Variants in RAPSN observed in about 807,000 individuals in gnomAD.
RAPSN encodes 43 kDa receptor-associated protein of the synapse.
RAPSN carries 33 observed loss-of-function variants against 45.7 expected under a neutral mutation model. That is an observed-to-expected ratio of 0.72 (90% CI 0.55 to 0.97). The LOEUF is 0.97. Among genes scored for constraint, RAPSN ranks in the 50% least tolerant of loss-of-function variants. The pLI, the probability that RAPSN is intolerant of heterozygous loss-of-function variation, is 0.00. For missense variants in RAPSN, 519 were observed against 559.4 expected, an observed-to-expected ratio of 0.93 and a Z score of 0.73; for synonymous variants, 244 against 233.6, an observed-to-expected ratio of 1.04 and a Z score of -0.40.
At chr11:47,446,873 C>A (rs1025048828) in intron 2 of RAPSN, among the ~76,000 whole-genome samples, 1 of 152,206 alleles carries the variant, frequency 6.6e-6, no homozygotes, top group Non-Finnish European at 1.5e-5. Context: ...CCACTGCACT[C>A]CAGCCTGGGT....
intron 6 of RAPSN, among the ~76,000 whole-genome samples, chr11:47,439,527 C>T (rs1010465075): frequency 7.9e-5 from 12 of 152,128 alleles, no homozygotes; most frequent in Middle Eastern, 6.8e-3. Context: ...TAAATATACA[C>T]ACAATAGCTC....
Position 47,443,227 on chromosome 11 carries a change from C to T in RAPSN, c.532-413G>A, listed in dbSNP as rs149041000. On this transcript the variant is annotated intron_variant, in intron 2 of 7. Transcript: ENST00000298854. ...CCACTAGAGCTTGCCTGCTGGCACC[C>T]GGAAGCAGGTGTTCACTGAAGCTCA... Among the ~76,000 whole-genome samples the T allele has an allele frequency of 2.2e-3, 331 of 152,300 alleles. 1 individual carries two copies. Among genetic ancestry groups the T allele is most frequent in the Admixed American group, 5.5e-3 (84 of 15,292 alleles).
chr11:47,448,212 C>A, intron 1 of RAPSN, 62 bp from the exon 2 acceptor site: 1 of 1,564,004 alleles, frequency 6.4e-7, no homozygotes, highest in Admixed American at 1.7e-5. Flanking sequence ...GGACCCCAGC[C>A]TGCACTGCAG....
Position 47,448,784 on chromosome 11 carries a change from C to T in RAPSN, c.181G>A (p.Glu61Lys). The T allele has an allele frequency of 6.2e-7, 1 of 1,610,800 alleles. No homozygotes were observed. Among genetic ancestry groups the T allele is most frequent in the Non-Finnish European group, 8.5e-7 (1 of 1,180,002 alleles). The change falls in exon 1 of 8, where the codon GAG becomes AAG. Residue 61 changes from glutamate (E) to lysine (K), a missense_variant. Glu to Lys is a moderately conservative substitution (Grantham distance 56). Coordinates refer to ENST00000298854, the MANE Select transcript of RAPSN (RefSeq NM_005055.5). ...TAHSEMGRYK[E>K]MLKFAVVQID... ...CCGGGTACACCCACCTTCAGCATCT[C>T]CTTGTAGCGGCCCATCTCCGAGTGG...
chr11:47,439,828 T>G (rs1238309085), intron 6 of RAPSN, among the ~76,000 whole-genome samples: 1 of 150,164 alleles, frequency 6.7e-6, no homozygotes, highest in Non-Finnish European at 1.5e-5. Context: ...TTCTCCTGCC[T>G]CAGCCTCCCA....
In RAPSN at chr11:47,448,035, A is replaced by G; in HGVS notation, c.308T>C (p.Ile103Thr). The G allele has an allele frequency of 6.2e-7, 1 of 1,613,898 alleles. No individual in the cohort carries two copies. Among genetic ancestry groups the G allele is most frequent in the Non-Finnish European group, 8.5e-7 (1 of 1,179,954 alleles). ...NEKLCEFHKTISYCKTCLGLP... is the reference protein window; with the variant it reads ...NEKLCEFHKTTSYCKTCLGLP... ...CCCAAGGCAGGTCTTGCAGTAGGAG[A>G]TGGTCTTGTGAAACTCGCACAGCTT... The change falls in exon 2 of 8, where the codon ATC becomes ACC. Residue 103 changes from isoleucine (I) to threonine (T), a missense_variant. Physicochemically the swap from Ile to Thr is moderately conservative, Grantham distance 89 (BLOSUM62 -1). Transcript: ENST00000298854.
In RAPSN at chr11:47,448,145, A is replaced by C. The variant is rs1131389; in HGVS notation, c.198T>G (p.Ala66=). ...CCCGGGCCGTGTCGATCTGGACCAC[A>C]GCGAACTGCACACAGCGACGGTGGG... is the stretch of plus-strand genomic sequence containing the variant. The part of the protein sequence containing the change: ...MGRYKEMLKF[A]VVQIDTAREL... The change falls in exon 2 of 8, where the codon GCT becomes GCG. Residue 66 remains alanine (A), a synonymous_variant. Coordinates refer to ENST00000298854, the MANE Select transcript of RAPSN (RefSeq NM_005055.5). 1 of 1,610,920 alleles carries C rather than the reference A, an allele frequency of 6.2e-7. No homozygotes were observed. Among genetic ancestry groups the C allele is most frequent in the Non-Finnish European group, 8.5e-7 (1 of 1,179,938 alleles).
chr11:47,447,625 G>A (rs2076418076), intron 2 of RAPSN, among the ~76,000 whole-genome samples, 187 bp downstream of exon 2: 1 of 152,190 alleles, frequency 6.6e-6, no homozygotes, highest in African/African-American at 2.4e-5. Context: ...TTGAATCCTG[G>A]CTCTGCCCTT....
intron 1 of RAPSN, among the ~76,000 whole-genome samples, chr11:47,448,389 A>C (rs1457868993): frequency 6.6e-6 from 1 of 151,670 alleles, no homozygotes; most frequent in African/African-American, 2.4e-5. Flanking sequence ...CTTCTATCCC[A>C]AGCCTCAGAT....
chr11:47,442,964 C>A (rs1173328016), intron 2 of RAPSN, 150 bp from the exon 3 acceptor site: 16 of 1,344,460 alleles, frequency 1.2e-5, no homozygotes, highest in Non-Finnish European at 1.5e-5. Context: ...CAAGAGTGGC[C>A]CGGTAGAGGG....
intron 6 of RAPSN, among the ~76,000 whole-genome samples, chr11:47,439,198 G>T (rs1321004476): frequency 6.6e-6 from 1 of 152,220 alleles, no homozygotes; most frequent in Non-Finnish European, 1.5e-5. Context: ...TTGCGGCAGG[G>T]CGCCGTGGCT....
rs2076365864 is a variant in RAPSN at position 47,441,739 on chromosome 11, G to C, written c.790-6C>G. The C allele has an allele frequency of 6.2e-7, 1 of 1,606,300 alleles. No individual in the cohort carries two copies. The highest frequency in any genetic ancestry group is 8.5e-7 in the Non-Finnish European group (1 of 1,179,850). ...TCGTACCTGGGGAAGGCTGTCTGCAGAGCCAGGTGGGGGATGGAATCAGGC... is the reference window on the plus strand; with the variant it reads ...TCGTACCTGGGGAAGGCTGTCTGCACAGCCAGGTGGGGGATGGAATCAGGC... On this transcript the variant is annotated splice_region_variant and splice_polypyrimidine_tract_variant and intron_variant, in intron 4 of 7. Coordinates refer to ENST00000298854, the MANE Select transcript of RAPSN (RefSeq NM_005055.5).
intron 1 of RAPSN, 67 bp from the exon 2 acceptor site, chr11:47,448,217 C>G: frequency 8.6e-6 from 13 of 1,518,700 alleles, no homozygotes; most frequent in Admixed American, 1.7e-5. Flanking sequence ...CCAGCCTGCA[C>G]TGCAGGCTCA....
At position 47,437,808 on chromosome 11, in the gene RAPSN, G is replaced by A; in HGVS notation, c.*167C>T. ...TTTTCTATAAAGAGCAAAGTACAAA[G>A]AGGCAGGGAGGGGAGCTGGGCCCAG... is the stretch of plus-strand genomic sequence containing the variant. On this transcript the variant is annotated 3_prime_UTR_variant, in exon 8 of 8. Transcript: ENST00000298854. 1 of 801,252 alleles carries A rather than the reference G, an allele frequency of 1.2e-6. No homozygotes were observed. 49.6% of individuals were successfully genotyped at this position (801,252 alleles called of 1,614,324 possible).
chr11:47,446,132 G>A (rs545106737), intron 2 of RAPSN, among the ~76,000 whole-genome samples: 3 of 151,382 alleles, frequency 2.0e-5, no homozygotes, highest in East Asian at 1.9e-4. Flanking sequence ...CTTGCTATGC[G>A]ACTCAAGCTG....
chr11:47,447,660 C>A (rs1257952243), intron 2 of RAPSN, 152 bp downstream of exon 2: 3 of 938,424 alleles, frequency 3.2e-6, no homozygotes, highest in African/African-American at 1.7e-5. Context: ...CAAGTTGTTA[C>A]CTTCCTGGAT....
rs556595562 is a variant in RAPSN, at chr11:47,438,717, C to A, written c.1166+15G>T. The A allele has an allele frequency of 2.5e-5, 39 of 1,554,814 alleles. No individual in the cohort carries two copies. The highest frequency in any genetic ancestry group is 1.7e-4 in the Middle Eastern group (1 of 6,000). On this transcript the variant is annotated intron_variant, in intron 7 of 7. Transcript: ENST00000298854. ...GATCCTGCCCACCCCTGTCCACCCC[C>A]CCAGGAGCCCCCACCTGAGGTGGAA...
At chr11:47,438,078 C>G (rs772794085) in intron 7 of RAPSN, 31 bp from the exon 8 acceptor site, 2 of 1,549,142 alleles carry the variant, frequency 1.3e-6, no homozygotes, top group South Asian at 1.2e-5. Context: ...GTCCACTCCC[C>G]TGAGGCCTGT....
intron 2 of RAPSN, among the ~76,000 whole-genome samples, chr11:47,445,737 A>G: frequency 6.6e-6 from 1 of 152,010 alleles, no homozygotes; most frequent in East Asian, 1.9e-4. Context: ...ATATTTAATT[A>G]TGTGGTTAGA....
Sources: allele counts gnomAD v4.1 joint callset (sites outside exome capture counted in the v4.1 genomes callset), GRCh38; gene constraint gnomAD v4.1.1; transcripts MANE v1.5; gene names NCBI Gene and HGNC (gene_info 2026-07-23, HGNC 2026-07-21).